HHLA2: variants seen among roughly 807,000 people sequenced by gnomAD.
HHLA2 encodes HERV-H LTR-associating protein 2.
In HHLA2, 48 loss-of-function variants were observed where a neutral mutation model predicts 45.9. The observed-to-expected ratio is 1.05, with a 90% CI of 0.83 to 1.33. The LOEUF is 1.33. HHLA2 is among the 40% of genes most tolerant of loss of function. HHLA2 has a pLI of 0.00. For missense variants in HHLA2, 462 were observed against 494.3 expected (o/e 0.93, Z 0.62); for synonymous variants, 161 against 173.9 (o/e 0.93, Z 0.59).
At chr3:108,353,674 G>T in exon 5 of HHLA2, 1 of 1,613,678 alleles carries the variant, frequency 6.2e-7, no homozygotes, top group Non-Finnish European at 8.5e-7. Flanking sequence ...ATGGGAATGC[G>T]TCGCTATTTT....
At chr3:108,298,987 C>T (rs68034462) in intron 1 of HHLA2, among the ~76,000 whole-genome samples, 25,454 of 152,122 alleles carry the variant, frequency 0.17, 3,468 homozygotes, top group East Asian at 0.75. Flanking sequence ...ACACCACCTT[C>T]GAGAAATGAG....
At chr3:108,307,701 T>C (rs971618427) in intron 1 of HHLA2, among the ~76,000 whole-genome samples, 9 of 152,188 alleles carry the variant, frequency 5.9e-5, no homozygotes, top group Middle Eastern at 3.4e-3. Flanking sequence ...TGTATATACA[T>C]GGTTCATTTG....
intron 1 of HHLA2, among the ~76,000 whole-genome samples, chr3:108,306,401 G>C (rs539744203): frequency 6.6e-6 from 1 of 152,050 alleles, no homozygotes; most frequent in Non-Finnish European, 1.5e-5. Context: ...ATTATCTTCT[G>C]TCCTCATACA....
chr3:108,312,290 G>A (rs889677863), intron 2 of HHLA2, among the ~76,000 whole-genome samples: 5 of 152,234 alleles, frequency 3.3e-5, no homozygotes, highest in African/African-American at 1.2e-4. Flanking sequence ...CATCACCCAT[G>A]TGGCCAATTT....
intron 8 of HHLA2, among the ~76,000 whole-genome samples, chr3:108,371,756 A>C (rs573567656): frequency 1.5e-3 from 221 of 152,354 alleles, no homozygotes; most frequent in African/African-American, 5.0e-3. Flanking sequence ...TAAAGGGATC[A>C]ACTCAACAAG....
chr3:108,350,971 C>T (rs1379644110), intron 3 of HHLA2, among the ~76,000 whole-genome samples: 1 of 152,214 alleles, frequency 6.6e-6, no homozygotes. Flanking sequence ...AGGTGTGAAC[C>T]ACCATGCCCA....
At chr3:108,311,460 G>A (rs1182355523) in intron 2 of HHLA2, among the ~76,000 whole-genome samples, 1 of 152,160 alleles carries the variant, frequency 6.6e-6, no homozygotes, top group South Asian at 2.1e-4. Context: ...GGAAATTCAA[G>A]TGAGAGGAGC....
chr3:108,357,169 T>G (rs2081908808), intron 6 of HHLA2, among the ~76,000 whole-genome samples: 1 of 152,166 alleles, frequency 6.6e-6, no homozygotes, highest in Non-Finnish European at 1.5e-5. Flanking sequence ...ATCACTCTCC[T>G]GCAGGTAGAC....
intron 3 of HHLA2, among the ~76,000 whole-genome samples, chr3:108,343,414 T>C (rs2081609226): frequency 6.6e-6 from 1 of 152,200 alleles, no homozygotes; most frequent in Admixed American, 6.5e-5. Context: ...TTTCTTTTCT[T>C]GTGTACCAGC....
intron 3 of HHLA2, among the ~76,000 whole-genome samples, chr3:108,351,571 A>T (rs1216458655): frequency 6.6e-6 from 1 of 152,222 alleles, no homozygotes; most frequent in African/African-American, 2.4e-5. Flanking sequence ...AGAAATGTGT[A>T]TGTTTTAAAA....
intron 7 of HHLA2, among the ~76,000 whole-genome samples, chr3:108,360,832 C>A (rs1415482743): frequency 1.3e-5 from 2 of 152,190 alleles, no homozygotes; most frequent in African/African-American, 4.8e-5. Context: ...ATAAAGCGGA[C>A]TCCTGCGTGG....
intron 2 of HHLA2, among the ~76,000 whole-genome samples, chr3:108,327,607 C>A (rs1351717589): frequency 6.6e-6 from 1 of 152,134 alleles, no homozygotes; most frequent in Non-Finnish European, 1.5e-5. Flanking sequence ...TTGCTAATTT[C>A]ACTTATTTCC....
chr3:108,328,812 A>G (rs1434219794), intron 3 of HHLA2, among the ~76,000 whole-genome samples: 3 of 151,888 alleles, frequency 2.0e-5, no homozygotes, highest in African/African-American at 4.9e-5. Flanking sequence ...AGGGAAGGGA[A>G]CATGCCAGGA....
intron 1 of HHLA2, among the ~76,000 whole-genome samples, chr3:108,305,060 T>C (rs1293306111): frequency 6.6e-6 from 1 of 152,224 alleles, no homozygotes; most frequent in Middle Eastern, 3.2e-3. Flanking sequence ...ATTAAAACCT[T>C]TTACTCATCA....
intron 2 of HHLA2, among the ~76,000 whole-genome samples, chr3:108,311,084 G>C (rs922503182): frequency 6.6e-6 from 1 of 152,096 alleles, no homozygotes; most frequent in Non-Finnish European, 1.5e-5. Context: ...TATGTACTTA[G>C]GAAATTGTTC....
At chr3:108,332,263 G>A (rs9856221) in intron 3 of HHLA2, among the ~76,000 whole-genome samples, 2,512 of 152,186 alleles carry the variant, frequency 0.017, 70 homozygotes, top group African/African-American at 0.057. Flanking sequence ...CCAGGCGGTG[G>A]GACTAGTGAG....
At chr3:108,339,623 A>C (rs918082556) in intron 3 of HHLA2, among the ~76,000 whole-genome samples, 2 of 152,204 alleles carry the variant, frequency 1.3e-5, no homozygotes, top group African/African-American at 4.8e-5. Flanking sequence ...GGTTAGCATT[A>C]ATACTACCAA....
intron 3 of HHLA2, among the ~76,000 whole-genome samples, chr3:108,340,943 CCTTCCTTTCTTT>C (rs2081560935): frequency 1.2e-5 from 1 of 85,552 alleles, no homozygotes; most frequent in Non-Finnish European, 2.3e-5. Context: ...TTCCTTCCTT[CCTTCCTTTCTTT>C]CTTTCTTTTC....
chr3:108,319,043 C>G (rs2081152386), intron 2 of HHLA2, among the ~76,000 whole-genome samples: 1 of 152,186 alleles, frequency 6.6e-6, no homozygotes, highest in Admixed American at 6.5e-5. Context: ...TTCCTATGCT[C>G]TTTCTCTGTT....
Sources: allele counts gnomAD v4.1 joint callset (sites outside exome capture counted in the v4.1 genomes callset), GRCh38; gene constraint gnomAD v4.1.1; transcripts MANE v1.5; gene names NCBI Gene and HGNC (gene_info 2026-07-23, HGNC 2026-07-21).